The following SLC35D2 variants were observed in gnomAD, a reference collection of about 807,000 sequenced individuals.
SLC35D2 encodes the protein solute carrier family 35 member D2.
A neutral mutation model predicts 41.8 loss-of-function variants in SLC35D2; 43 were observed. The observed-to-expected ratio is 1.03, with a 90% CI of 0.81 to 1.33. The LOEUF (loss-of-function observed/expected upper bound fraction) is 1.33. Among genes scored for constraint, SLC35D2 ranks in the 40% most tolerant of loss-of-function variants. The pLI is 0.00. For missense variants in SLC35D2, 380 were observed against 408.4 expected (o/e 0.93, Z 0.60); for synonymous variants, 150 against 163.9 (o/e 0.92, Z 0.65).
intron 4 of SLC35D2, among the ~76,000 whole-genome samples, 160 bp downstream of exon 4, chr9:96,359,994 A>G (rs999095874): frequency 1.3e-5 from 2 of 152,212 alleles, no homozygotes; most frequent in African/African-American, 4.8e-5. Context: ...TCATTGGCCA[A>G]TTAAACTCAA....
chr9:96,333,368 G>A (rs766053910), intron 9 of SLC35D2, among the ~76,000 whole-genome samples: 3 of 151,206 alleles, frequency 2.0e-5, no homozygotes, highest in Non-Finnish European at 4.4e-5. Context: ...AGGCTGAGGC[G>A]GGTGGACCAC....
intron 9 of SLC35D2, among the ~76,000 whole-genome samples, chr9:96,328,009 A>T (rs1828626313): frequency 6.6e-6 from 1 of 152,104 alleles, no homozygotes; most frequent in Non-Finnish European, 1.5e-5. Flanking sequence ...TACATTTTTT[A>T]AAAGAATCTA....
Position 96,383,671 on chromosome 9 carries a change from C to G in SLC35D2, c.-37G>C. The G allele has an allele frequency of 1.0e-6, 1 of 1,004,034 alleles. No individual in the cohort carries two copies. Among genetic ancestry groups the G allele is most frequent in the Non-Finnish European group, 1.2e-6 (1 of 843,632 alleles). The allele number at this position is 1,004,034 out of a possible 1,614,324, so 62.2% of individuals were successfully genotyped here. A position where few individuals can be genotyped will look rare whatever the true frequency, so the allele number is the denominator to read the frequency against. The stretch of plus-strand genomic sequence containing the variant: ...CCGCGGACCCCGCCGCCCGCCAGCC[C>G]CGGCTGCGCACTGGTCCCGCCCGGC... On this transcript the variant is annotated 5_prime_UTR_variant, in exon 1 of 12. Transcript: ENST00000253270.
chr9:96,336,105 T>C (rs1360549000), intron 9 of SLC35D2, among the ~76,000 whole-genome samples: 11 of 151,818 alleles, frequency 7.2e-5, no homozygotes, highest in Non-Finnish European at 1.6e-4. Context: ...GCCTAACTGT[T>C]GGACAATACA....
intron 8 of SLC35D2, among the ~76,000 whole-genome samples, chr9:96,343,498 A>G (rs1018620493): frequency 1.3e-5 from 2 of 152,212 alleles, no homozygotes; most frequent in Admixed American, 6.5e-5. Context: ...TCATTGAATT[A>G]CTCTATTTTG....
chr9:96,344,168 C>G (rs934241586), intron 7 of SLC35D2, among the ~76,000 whole-genome samples, 172 bp from the exon 8 acceptor site: 1 of 152,094 alleles, frequency 6.6e-6, no homozygotes, highest in Non-Finnish European at 1.5e-5. Flanking sequence ...TTTGAGGGTA[C>G]TGAGATTTTG....
chr9:96,373,678 A>ACT (rs1225950745), intron 1 of SLC35D2, among the ~76,000 whole-genome samples: 3 of 128,928 alleles, frequency 2.3e-5, no homozygotes, highest in Admixed American at 8.0e-5. Flanking sequence ...CAAGAGCAAG[A>ACT]CTCTCTCAAA....
At chr9:96,373,050 C>T (rs1471872115) in intron 1 of SLC35D2, among the ~76,000 whole-genome samples, 1 of 151,898 alleles carries the variant, frequency 6.6e-6, no homozygotes, top group Non-Finnish European at 1.5e-5. Flanking sequence ...CAGGCACCCA[C>T]CACCACGCCT....
At chr9:96,331,856 G>C (rs1253337152) in intron 9 of SLC35D2, among the ~76,000 whole-genome samples, 5 of 152,176 alleles carry the variant, frequency 3.3e-5, no homozygotes, top group Admixed American at 3.3e-4. Context: ...ACCCTATTGT[G>C]AACTGCGCAT....
downstream of SLC35D2, among the ~76,000 whole-genome samples, chr9:96,320,071 G>A (rs367616585): frequency 2.7e-4 from 41 of 152,302 alleles, no homozygotes; most frequent in East Asian, 6.8e-3. Flanking sequence ...CCCACGCAGG[G>A]AGGGAAAAGG....
chr9:96,373,102 GTTGACCAAGC>G (rs1318587500), intron 1 of SLC35D2, among the ~76,000 whole-genome samples: 1 of 151,882 alleles, frequency 6.6e-6, no homozygotes, highest in Admixed American at 6.6e-5. Context: ...GTTTCACCAT[GTTGACCAAGC>G]TGGTCTTGAA....
rs35505854 is a variant in SLC35D2 at position 96,324,163 on chromosome 9, C to T, written c.759G>A (p.Leu253=). 9.3e-4 allele frequency: 1,507 copies of T among 1,613,700 alleles called. 10 individuals are homozygous for T. The African/African-American group carries it at 0.018, about 20-fold the overall frequency. ...TGCACAGAACCGTGGAGTACATCAG[C>T]AGAAACCTGTGACAAGGAAGCAGAC... is the stretch of plus-strand genomic sequence containing the variant. ...QFLLSCFLGF[L]LMYSTVLCSY... The change falls in exon 10 of 12, where the codon CTG becomes CTA. Residue 253 remains leucine (L), a synonymous_variant. Transcript: ENST00000253270.
intron 1 of SLC35D2, among the ~76,000 whole-genome samples, chr9:96,382,508 A>ATATG (rs2131056023): frequency 6.6e-6 from 1 of 150,856 alleles, no homozygotes; most frequent in Admixed American, 6.6e-5. Context: ...ATATATATAT[A>ATATG]TATATATATG....
At chr9:96,383,270 G>A (rs1831285532) in intron 1 of SLC35D2, among the ~76,000 whole-genome samples, 1 of 152,190 alleles carries the variant, frequency 6.6e-6, no homozygotes, top group East Asian at 1.9e-4. Flanking sequence ...GGCGCGCTCA[G>A]GAAGAGAACG....
At chr9:96,324,548 A>ATT (rs1314032166) in intron 9 of SLC35D2, among the ~76,000 whole-genome samples, 1 of 88,480 alleles carries the variant, frequency 1.1e-5, no homozygotes, top group African/African-American at 4.4e-5. Context: ...CGCCTGCTGC[A>ATT]CTTTTTTTTT....
At chr9:96,324,774 T>G (rs112421160) in intron 9 of SLC35D2, among the ~76,000 whole-genome samples, 5,351 of 152,126 alleles carry the variant, frequency 0.035, 313 homozygotes, top group African/African-American at 0.12. Context: ...AGGCTGGTCT[T>G]GAACTCCTGA....
At chr9:96,339,160 G>C (rs1829190748) in intron 8 of SLC35D2, among the ~76,000 whole-genome samples, 2 of 151,942 alleles carry the variant, frequency 1.3e-5, no homozygotes. Flanking sequence ...GCCCAGGCTG[G>C]AGTGCGGTGG....
At chr9:96,367,552 G>C (rs1055462451) in intron 2 of SLC35D2, among the ~76,000 whole-genome samples, 4 of 152,116 alleles carry the variant, frequency 2.6e-5, no homozygotes, top group African/African-American at 9.7e-5. Context: ...AGGCCAAGGT[G>C]GGTGCGGATC....
Position 96,364,563 on chromosome 9 carries a change from GGA to G in SLC35D2, c.193-15_193-14del. On this transcript the variant is annotated splice_polypyrimidine_tract_variant and intron_variant, in intron 2 of 11. Coordinates refer to ENST00000253270, the MANE Select transcript of SLC35D2 (RefSeq NM_007001.3). ...TGGTGGCTGCCATCTGAAGAAAAGG[GGA>G]GAGAGAAACTTCAGCAAAATATCTG... The G allele has an allele frequency of 6.5e-7, 1 of 1,537,996 alleles. No individual in the cohort carries two copies. The highest frequency in any genetic ancestry group is 9.0e-7 in the Non-Finnish European group (1 of 1,114,092).
Sources: gnomAD v4.1 joint callset for allele counts (sites outside exome capture counted in the v4.1 genomes callset) on GRCh38, gnomAD v4.1.1 for gene constraint, MANE v1.5 for transcripts, NCBI Gene and HGNC (gene_info 2026-07-23, HGNC 2026-07-21) for gene names.